Variants in PTPRD observed in about 807,000 individuals in gnomAD.
The protein encoded by PTPRD is receptor-type tyrosine-protein phosphatase delta.
A neutral mutation model predicts 214.5 loss-of-function variants in PTPRD; 34 were observed. That is an observed-to-expected ratio of 0.16 (90% confidence interval 0.12 to 0.21). PTPRD has a LOEUF of 0.21. Among genes scored for constraint, PTPRD ranks in the 10% least tolerant of loss-of-function variants. PTPRD has a pLI of 1.00. For missense variants in PTPRD, 2,545 were observed against 2,398.7 expected (o/e 1.06, Z -1.27); for synonymous variants, 1,128 against 845.7 (o/e 1.33, Z -5.79).
intron 4 of PTPRD, among the ~76,000 whole-genome samples, chr9:9,943,029 G>A (rs916948427): frequency 2.0e-5 from 3 of 151,812 alleles, no homozygotes; most frequent in Non-Finnish European, 2.9e-5. Flanking sequence ...GCACTAACTC[G>A]GGGCAAAAGC....
chr9:9,387,252 G>A (rs1298966190), intron 9 of PTPRD, among the ~76,000 whole-genome samples: 4 of 152,140 alleles, frequency 2.6e-5, no homozygotes, highest in Non-Finnish European at 4.4e-5. Flanking sequence ...TCCTGGCAAA[G>A]ACTATTTTAA....
intron 10 of PTPRD, among the ~76,000 whole-genome samples, chr9:9,147,670 A>G (rs913621551): frequency 6.6e-6 from 1 of 152,142 alleles, no homozygotes. Flanking sequence ...TGCAGAGTTG[A>G]GCAATTGCTT....
intron 14 of PTPRD, among the ~76,000 whole-genome samples, chr9:8,598,491 C>A (rs972862405): frequency 6.9e-6 from 1 of 144,810 alleles, no homozygotes; most frequent in Non-Finnish European, 1.5e-5. Flanking sequence ...AATAAATAAA[C>A]AAATAAACCC....
chr9:9,354,129 T>G (rs1329245528), intron 9 of PTPRD, among the ~76,000 whole-genome samples: 4 of 151,686 alleles, frequency 2.6e-5, no homozygotes, highest in Non-Finnish European at 4.4e-5. Context: ...CAACTCACTT[T>G]TAGGAAGTGC....
At chr9:9,568,426 A>C (rs1011801075) in intron 8 of PTPRD, among the ~76,000 whole-genome samples, 3 of 151,876 alleles carry the variant, frequency 2.0e-5, no homozygotes. Context: ...ATTTCTTAGA[A>C]GATCATTATA....
intron 35 of PTPRD, among the ~76,000 whole-genome samples, chr9:8,426,004 C>T (rs899569193): frequency 1.3e-5 from 2 of 152,116 alleles, no homozygotes; most frequent in African/African-American, 4.8e-5. Context: ...TTACCTTCCC[C>T]TAATTGCTTT....
chr9:9,071,053 A>G (rs1281421517), intron 10 of PTPRD, among the ~76,000 whole-genome samples: 1 of 152,174 alleles, frequency 6.6e-6, no homozygotes, highest in Non-Finnish European at 1.5e-5. Context: ...GATTGGGACC[A>G]CAGGCATGCA....
intron 9 of PTPRD, among the ~76,000 whole-genome samples, chr9:9,302,238 CT>C (rs1177642626): frequency 1.3e-5 from 2 of 151,748 alleles, no homozygotes; most frequent in African/African-American, 4.8e-5. Flanking sequence ...ATGGCATTTC[CT>C]TCTGGCCCTA....
At chr9:10,611,387 C>G (rs1371637379) in intron 2 of PTPRD, among the ~76,000 whole-genome samples, 2 of 152,106 alleles carry the variant, frequency 1.3e-5, no homozygotes, top group Non-Finnish European at 2.9e-5. Flanking sequence ...GTTATTGATT[C>G]TCTCCCTCTT....
At chr9:8,331,887 G>C in intron 43 of PTPRD, 151 bp from the exon 44 acceptor site, 1 of 873,020 alleles carries the variant, frequency 1.1e-6, no homozygotes. Flanking sequence ...CTTAGTTATG[G>C]TTTATCTGCT....
chr9:10,428,334 T>A (rs1024745201), intron 2 of PTPRD, among the ~76,000 whole-genome samples: 1 of 151,956 alleles, frequency 6.6e-6, no homozygotes, highest in Non-Finnish European at 1.5e-5. Context: ...ATTGCAGAAT[T>A]TCTTTTATTT....
chr9:8,567,853 T>G (rs758039928), intron 14 of PTPRD, among the ~76,000 whole-genome samples: 1 of 152,150 alleles, frequency 6.6e-6, no homozygotes. Flanking sequence ...GATCAAGGCA[T>G]AGGTCTTCAG....
At chr9:8,655,909 T>C (rs759785391) in intron 12 of PTPRD, among the ~76,000 whole-genome samples, 1 of 152,150 alleles carries the variant, frequency 6.6e-6, no homozygotes. Context: ...ATGACCTTGT[T>C]CGAGAATCTT....
chr9:9,987,304 C>G (rs1205459662), intron 4 of PTPRD, among the ~76,000 whole-genome samples: 2 of 151,994 alleles, frequency 1.3e-5, no homozygotes, highest in Non-Finnish European at 2.9e-5. Flanking sequence ...GCTGTGTTGT[C>G]CATTTTCACA....
chr9:8,332,259 C>T lies in PTPRD; in HGVS notation c.5380-523G>A, dbSNP rs150279133. Among the ~76,000 whole-genome samples the T allele has an allele frequency of 8.4e-3, 1,279 of 152,172 alleles. 15 individuals are homozygous for T. The highest frequency in any genetic ancestry group is 0.028 in the African/African-American group (1,157 of 41,548). On this transcript the variant is annotated intron_variant, in intron 43 of 45. Transcript: ENST00000381196. ...ATCTGCTGTGCTTGCGTATTTCTAC[C>T]GTTGTCAAATGACAAATGGTGAAAT...
chr9:8,877,898 C>T (rs988060391), intron 11 of PTPRD, among the ~76,000 whole-genome samples: 1 of 152,104 alleles, frequency 6.6e-6, no homozygotes, highest in African/African-American at 2.4e-5. Flanking sequence ...GGGTAGAAAT[C>T]GAGGTGTCTA....
chr9:9,861,116 A>G (rs1600081663), intron 5 of PTPRD, among the ~76,000 whole-genome samples: 3 of 152,330 alleles, frequency 2.0e-5, no homozygotes, highest in Admixed American at 6.5e-5. Context: ...CTACACTAGC[A>G]TCTATAATAA....
At chr9:8,528,168 G>A (rs999928539) in intron 15 of PTPRD, 6 of 370,980 alleles carry the variant, frequency 1.6e-5, no homozygotes, top group Non-Finnish European at 2.4e-5. Context: ...GGTTTAATAT[G>A]AACATTTTAT....
chr9:9,794,189 A>ATG (rs535365083), intron 5 of PTPRD, among the ~76,000 whole-genome samples: 351 of 146,422 alleles, frequency 2.4e-3, no homozygotes, highest in African/African-American at 7.5e-3. Context: ...ATATATACAT[A>ATG]TGTGTGTGTG....
Sources: gnomAD v4.1 joint callset for allele counts (sites outside exome capture counted in the v4.1 genomes callset) on GRCh38, gnomAD v4.1.1 for gene constraint, MANE v1.5 for transcripts, NCBI Gene and HGNC (gene_info 2026-07-23, HGNC 2026-07-21) for gene names.